ZNF827: variants seen among roughly 807,000 people sequenced by gnomAD.
ZNF827 encodes the protein zinc finger protein 827.
ZNF827 carries 13 observed loss-of-function variants against 102.4 expected under a neutral mutation model. The ratio of observed to expected loss-of-function variants is 0.13; its 90% CI spans 0.08 to 0.20. The LOEUF is 0.20. ZNF827 is among the 10% of genes least tolerant of loss of function. The pLI is 1.00. For synonymous variants in ZNF827, 523 were observed against 536.2 expected (o/e 0.98, Z 0.34); for missense variants, 1,103 against 1,344.4 (o/e 0.82, Z 2.81).
intron 7 of ZNF827, among the ~76,000 whole-genome samples, chr4:145,845,100 G>A (rs1229563082): frequency 6.6e-6 from 1 of 152,206 alleles, no homozygotes; most frequent in Non-Finnish European, 1.5e-5. Context: ...ATCCTGTAAA[G>A]CTCATATCTT....
intron 8 of ZNF827, among the ~76,000 whole-genome samples, chr4:145,813,505 C>T (rs908156685): frequency 6.9e-6 from 1 of 144,910 alleles, no homozygotes; most frequent in African/African-American, 2.5e-5. Flanking sequence ...CACTAGGGGT[C>T]CGGGAATGTA....
At chr4:145,814,352 C>T (rs996026821) in intron 8 of ZNF827, among the ~76,000 whole-genome samples, 1 of 152,106 alleles carries the variant, frequency 6.6e-6, no homozygotes, top group African/African-American at 2.4e-5. Context: ...CCTGGTTGGC[C>T]CACATGTATG....
chr4:145,934,143 C>T (rs2127004527), intron 1 of ZNF827, among the ~76,000 whole-genome samples: 2 of 152,134 alleles, frequency 1.3e-5, no homozygotes, highest in South Asian at 4.2e-4. Context: ...CTGCTCTAGG[C>T]CAAGAAATAA....
At chr4:145,927,581 G>T (rs1185103743) in intron 1 of ZNF827, among the ~76,000 whole-genome samples, 1 of 152,130 alleles carries the variant, frequency 6.6e-6, no homozygotes, top group Non-Finnish European at 1.5e-5. Flanking sequence ...AACACCTAAG[G>T]GGTTCTCCTG....
rs1745536454 is a variant in ZNF827 at position 145,842,732 on chromosome 4, G to T, written c.2279+3224C>A. ...AAAGGCAAGGGAAGGTTTGATCTCA[G>T]TGCTGTGCTCAGGCCTGCCCTTTAC... On this transcript the variant is annotated intron_variant, in intron 7 of 14. Transcript: ENST00000508784. 3.3e-5 allele frequency among the ~76,000 whole-genome samples: 5 copies of T among 152,218 alleles called. No individual in the cohort carries two copies. In the South Asian group the frequency reaches 1.0e-3, roughly 32 times the overall value.
In ZNF827 at chr4:145,763,930, G is replaced by T. The variant is rs1056751757; in HGVS notation, c.3231-808C>A. 6.6e-6 allele frequency among the ~76,000 whole-genome samples: 1 copy of T among 152,000 alleles called. No homozygotes were observed. The highest frequency in any genetic ancestry group is 2.4e-5 in the African/African-American group (1 of 41,350). ...GTTGTTCCCTGACTCTTCTATGTGG[G>T]GGAGTTTTTGAGGAGGCAGGGGCCT... is the stretch of plus-strand genomic sequence containing the variant. On this transcript the variant is annotated intron_variant, in intron 13 of 14. Coordinates refer to ENST00000508784, the MANE Select transcript of ZNF827 (RefSeq NM_001306215.2). This position sits in a 1 kb window ranked among gnomAD's most constrained non-coding sequence, Gnocchi z 4.6.
At chr4:145,822,299 TA>T (rs1743214936) in intron 8 of ZNF827, among the ~76,000 whole-genome samples, 1 of 152,146 alleles carries the variant, frequency 6.6e-6, no homozygotes, top group Non-Finnish European at 1.5e-5. Context: ...GAACTACCCT[TA>T]TGAGACTCAA....
chr4:145,908,866 C>T (rs1377148519), intron 1 of ZNF827, among the ~76,000 whole-genome samples: 1 of 152,088 alleles, frequency 6.6e-6, no homozygotes, highest in Non-Finnish European at 1.5e-5. Flanking sequence ...GTTGTGTAAG[C>T]ACAAAAGAGG....
At chr4:145,772,250 C>G (rs949448824) in intron 11 of ZNF827, among the ~76,000 whole-genome samples, 1 of 152,136 alleles carries the variant, frequency 6.6e-6, no homozygotes, top group Non-Finnish European at 1.5e-5. Flanking sequence ...AGGGCCTGCT[C>G]CAGGTGCTGA....
chr4:145,865,762 T>C (rs1172307549), intron 5 of ZNF827, among the ~76,000 whole-genome samples: 1 of 152,236 alleles, frequency 6.6e-6, no homozygotes, highest in Non-Finnish European at 1.5e-5. Context: ...TTGTTCTATC[T>C]TCCTGTTTCG....
intron 5 of ZNF827, among the ~76,000 whole-genome samples, chr4:145,862,074 G>GA: frequency 1.3e-5 from 2 of 152,354 alleles, no homozygotes; most frequent in South Asian, 4.1e-4. Context: ...TGGGGCGGGG[G>GA]AAAGCAGCAG....
chr4:145,812,071 C>T (rs1237955158), intron 8 of ZNF827, among the ~76,000 whole-genome samples: 2 of 151,800 alleles, frequency 1.3e-5, no homozygotes, highest in Non-Finnish European at 2.9e-5. Flanking sequence ...TGTGCCACTG[C>T]ACCTGGTTAC....
At chr4:145,823,781 G>A (rs1743396057) in intron 7 of ZNF827, among the ~76,000 whole-genome samples, 1 of 152,200 alleles carries the variant, frequency 6.6e-6, no homozygotes, top group Admixed American at 6.5e-5. Flanking sequence ...TTGAAACACT[G>A]TTAAACCCGT....
chr4:145,860,503 C>T (rs191580431), intron 5 of ZNF827, among the ~76,000 whole-genome samples: 467 of 152,276 alleles, frequency 3.1e-3, no homozygotes, highest in Non-Finnish European at 3.5e-3. Context: ...CAGTGACCCT[C>T]GCCATCTGAT....
intron 4 of ZNF827, among the ~76,000 whole-genome samples, chr4:145,884,929 G>A (rs1444630696): frequency 6.6e-6 from 1 of 151,956 alleles, no homozygotes; most frequent in Non-Finnish European, 1.5e-5. Flanking sequence ...AAGACATAAA[G>A]TAGTGGCCTC....
chr4:145,767,371 G>A (rs559346724), intron 11 of ZNF827, among the ~76,000 whole-genome samples: 10 of 152,134 alleles, frequency 6.6e-5, no homozygotes, highest in African/African-American at 2.4e-4. Context: ...AATGAAAAGA[G>A]CATCAGTGAA....
chr4:145,775,836 G>C lies in ZNF827; in HGVS notation c.2646C>G (p.Ala882=), dbSNP rs753581272. ...VSTDTEDIVS[A]VTSEGSDGKK... is the part of the protein sequence containing the mutation. ...TCCCATCACTGCCTTCAGAGGTGAC[G>C]GCGCTGACAATGTCCTCGGTGTCTG... is the stretch of plus-strand genomic sequence containing the variant. Residue 882 remains alanine (A), a synonymous_variant, in exon 10 of 15, where the codon GCC becomes GCG. Transcript: ENST00000508784. The C allele has an allele frequency of 6.2e-7, 1 of 1,614,168 alleles. No individual in the cohort carries two copies. The highest frequency in any genetic ancestry group is 1.7e-5 in the Admixed American group (1 of 60,018).
intron 2 of ZNF827, among the ~76,000 whole-genome samples, chr4:145,892,686 A>AGGGCCGGG: frequency 6.6e-6 from 1 of 151,908 alleles, no homozygotes; most frequent in Non-Finnish European, 1.5e-5. Flanking sequence ...GCCATCCAAC[A>AGGGCCGGG]CTAAGGAAGA....
intron 8 of ZNF827, among the ~76,000 whole-genome samples, chr4:145,806,002 T>G (rs921656159): frequency 5.3e-5 from 8 of 152,058 alleles, no homozygotes; most frequent in Admixed American, 4.6e-4. Context: ...ATGTTACCTA[T>G]AATAGTACTA....
Sources: gnomAD v4.1 joint callset for allele counts (sites outside exome capture counted in the v4.1 genomes callset) on GRCh38, gnomAD v4.1.1 for gene constraint, Gnocchi (gnomAD v3.1) non-coding constraint, MANE v1.5 for transcripts, NCBI Gene and HGNC (gene_info 2026-07-23, HGNC 2026-07-21) for gene names.